Variants in PCDHA4 observed in about 807,000 individuals in gnomAD.
PCDHA4 encodes protocadherin alpha 4, also known as protocadherin alpha-4.
Under a neutral mutation model 61.4 loss-of-function variants are expected in PCDHA4, and 49 were observed. The ratio of observed to expected loss-of-function variants is 0.80; its 90% CI spans 0.63 to 1.01. The LOEUF (loss-of-function observed/expected upper bound fraction) is 1.01. Ranked by LOEUF, PCDHA4 falls within the 50% of genes least tolerant of loss-of-function variation. The pLI, the probability that PCDHA4 is intolerant of heterozygous loss-of-function variation, is 0.00. For synonymous variants in PCDHA4, 590 were observed against 550.3 expected (o/e 1.07, Z -1.01); for missense variants, 1,254 against 1,235.8 (o/e 1.01, Z -0.22).
chr5:140,808,630 C>A lies in PCDHA4; in HGVS notation c.1443C>A (p.Asp481Glu). The A allele has an allele frequency of 2.5e-6, 4 of 1,613,606 alleles. No individual in the cohort carries two copies. Among genetic ancestry groups the A allele is most frequent in the Non-Finnish European group, 2.5e-6 (3 of 1,179,898 alleles). ...GCHIFTVSAW[D>E]ADAQENALVS... Reference sequence around the variant, plus strand: ...ACATCTTCACTGTGTCTGCGTGGGACGCGGACGCGCAGGAGAACGCGCTGG... The same window carrying A: ...ACATCTTCACTGTGTCTGCGTGGGAAGCGGACGCGCAGGAGAACGCGCTGG... Residue 481 changes from aspartate (D) to glutamate (E), a missense_variant, in exon 1 of 4, where the codon GAC becomes GAA. Asp to Glu is a conservative substitution (Grantham distance 45). Transcript: ENST00000530339.
Position 140,925,039 on chromosome 5 carries a change from A to C in PCDHA4, c.2386-53910A>C, listed in dbSNP as rs554229960. ...GATGGGAGGATCGCTTGAGCCCAGA[A>C]GTTTGAGACCAGACTGGGCAACAAA... On this transcript the variant is annotated intron_variant, in intron 1 of 3. Coordinates refer to ENST00000530339, the MANE Select transcript of PCDHA4 (RefSeq NM_018907.4). Among the ~76,000 whole-genome samples the C allele has an allele frequency of 1.1e-4, 16 of 152,028 alleles. 1 individual carries two copies. The highest frequency in any genetic ancestry group is 1.6e-4 in the Non-Finnish European group (11 of 67,960).
chr5:140,878,567 G>T (rs562054144), intron 1 of PCDHA4, among the ~76,000 whole-genome samples: 1 of 152,268 alleles, frequency 6.6e-6, no homozygotes, highest in Non-Finnish European at 1.5e-5. Flanking sequence ...ACTTATCATA[G>T]TATACCACTG....
At chr5:140,869,020 T>C in intron 1 of PCDHA4, 8 of 1,525,458 alleles carry the variant, frequency 5.2e-6, no homozygotes, top group Non-Finnish European at 7.0e-6. Flanking sequence ...TTCTTAAGAA[T>C]TCAACGAGAT....
intron 2 of PCDHA4, 35 bp downstream of exon 2, chr5:140,979,042 C>T (rs782163702): frequency 6.2e-7 from 1 of 1,612,562 alleles, no homozygotes; most frequent in African/African-American, 1.3e-5. Context: ...TCAGAAGTAA[C>T]CTTAACTTGG....
rs567779090 is a variant in PCDHA4 at position 140,808,865 on chromosome 5, G to C, written c.1678G>C (p.Asp560His). 4.3e-6 allele frequency: 7 copies of C among 1,613,122 alleles called. No individual in the cohort carries two copies. The East Asian group carries it at 1.3e-4, about 31-fold the overall frequency. Reference protein sequence around the residue: ...TLQVFVLDENDNAPALLAPRA... With the variant: ...TLQVFVLDENHNAPALLAPRA... ...GCAGGTGTTCGTGCTGGACGAAAACGACAACGCGCCAGCACTGCTAGCGCC... is the reference window on the plus strand; with the variant it reads ...GCAGGTGTTCGTGCTGGACGAAAACCACAACGCGCCAGCACTGCTAGCGCC... The change falls in exon 1 of 4, where the codon GAC becomes CAC. Residue 560 changes from aspartate to histidine, a missense_variant. Physicochemically the swap from Asp to His is moderately conservative, Grantham distance 81 (BLOSUM62 -1). Coordinates refer to ENST00000530339, the MANE Select transcript of PCDHA4 (RefSeq NM_018907.4).
chr5:140,892,087 T>G (rs2063378040), intron 1 of PCDHA4, among the ~76,000 whole-genome samples: 1 of 152,226 alleles, frequency 6.6e-6, no homozygotes, highest in East Asian at 1.9e-4. Context: ...TAGTTTCCTC[T>G]CGAAACTTTC....
chr5:140,838,075 A>AGTGTGTGTGTG (rs781914509), intron 1 of PCDHA4, among the ~76,000 whole-genome samples: 2 of 128,240 alleles, frequency 1.6e-5, no homozygotes, highest in East Asian at 2.3e-4. Context: ...TTATATATAT[A>AGTGTGTGTGTG]TAGTGTGTGT....
chr5:140,968,209 C>G (rs781795931), intron 1 of PCDHA4: 5 of 1,614,002 alleles, frequency 3.1e-6, no homozygotes, highest in Non-Finnish European at 4.2e-6. Context: ...TACAGGAGAA[C>G]AATTTGCCAG....
chr5:140,988,247 TC>T (rs2097289620), intron 3 of PCDHA4, among the ~76,000 whole-genome samples: 1 of 152,148 alleles, frequency 6.6e-6, no homozygotes, highest in Admixed American at 6.5e-5. Context: ...GTGGGGCAGC[TC>T]CCGCCTGTGA....
rs2096830713 is a variant in PCDHA4 at position 140,978,969 on chromosome 5, C to G, written c.2406C>G (p.Asp802Glu). 4 of 1,614,092 alleles carry G rather than the reference C, an allele frequency of 2.5e-6. No homozygotes were observed. The highest frequency in any genetic ancestry group is 1.6e-4 in the Middle Eastern group (1 of 6,084). ...TGCAGCCACGACAGCCCAACCCTGACTGGCGTTACTCTGCCTCCCTGAGAG... is the reference window on the plus strand; with the variant it reads ...TGCAGCCACGACAGCCCAACCCTGAGTGGCGTTACTCTGCCTCCCTGAGAG... ...SFAKPRQPNP[D>E]WRYSASLRAG... The change falls in exon 2 of 4, where the codon GAC becomes GAG. Residue 802 changes from aspartate (D) to glutamate (E), a missense_variant. Coordinates refer to ENST00000530339, the MANE Select transcript of PCDHA4 (RefSeq NM_018907.4).
At chr5:140,884,499 C>A (rs782667822) in intron 1 of PCDHA4, 2 of 1,614,062 alleles carry the variant, frequency 1.2e-6, no homozygotes, top group Non-Finnish European at 8.5e-7. Flanking sequence ...TGCTCCAGCG[C>A]GGCAGGGAGT....
At chr5:140,903,321 T>A (rs2070191003) in intron 1 of PCDHA4, among the ~76,000 whole-genome samples, 1 of 152,174 alleles carries the variant, frequency 6.6e-6, no homozygotes, top group Non-Finnish European at 1.5e-5. Flanking sequence ...GACAGCATTT[T>A]TATTGAGGAA....
At chr5:140,980,494 A>T (rs868915196) in intron 2 of PCDHA4, among the ~76,000 whole-genome samples, 1 of 152,106 alleles carries the variant, frequency 6.6e-6, no homozygotes, top group African/African-American at 2.4e-5. Context: ...GCTGGGCGTG[A>T]TGGCATGTGC....
intron 1 of PCDHA4, chr5:140,829,465 C>G (rs2150168424): frequency 1.2e-6 from 2 of 1,613,822 alleles, no homozygotes; most frequent in Admixed American, 1.7e-5. Flanking sequence ...TCGCGCAGCC[C>G]GAGTACACAG....
In PCDHA4 at chr5:140,855,835, T is replaced by C. The variant is rs1165073969; in HGVS notation, c.2385+46263T>C. On this transcript the variant is annotated intron_variant, in intron 1 of 3. Transcript: ENST00000530339. ...AGTTGTGAACTCATGGAATCGTACT[T>C]ACACCTAAAGCCACCGGATGTCGCT... The C allele has an allele frequency of 6.7e-5, 40 of 599,476 alleles. 4 individuals carry two copies. The highest frequency in any genetic ancestry group is 1.1e-4 in the Non-Finnish European group (39 of 347,470). 37.1% of individuals were successfully genotyped at this position (599,476 alleles called of 1,614,324 possible). A position where few individuals can be genotyped will look rare whatever the true frequency, so the allele number is the denominator to read the frequency against.
intron 1 of PCDHA4, chr5:140,884,600 C>T: frequency 6.2e-7 from 1 of 1,614,150 alleles, no homozygotes; most frequent in Non-Finnish European, 8.5e-7. Flanking sequence ...CAGCCTTCCT[C>T]CTTGTCTGGG....
At chr5:140,842,004 T>G (rs1554138709) in intron 1 of PCDHA4, 6 of 1,613,692 alleles carry the variant, frequency 3.7e-6, no homozygotes, top group Non-Finnish European at 5.1e-6. Context: ...ACTGTTCAGC[T>G]GCTGGTCACA....
chr5:140,902,044 A>AT (rs1222362795), intron 1 of PCDHA4, among the ~76,000 whole-genome samples: 6 of 152,016 alleles, frequency 3.9e-5, no homozygotes, highest in Non-Finnish European at 5.9e-5. Flanking sequence ...TTGTATGTTG[A>AT]TTTTGTATCC....
chr5:140,856,170 G>T, intron 1 of PCDHA4: 1 of 1,598,322 alleles, frequency 6.3e-7, no homozygotes, highest in Non-Finnish European at 8.6e-7. Context: ...GCCAGACACG[G>T]CACCTTCGTG....
Sources: allele counts gnomAD v4.1 joint callset (sites outside exome capture counted in the v4.1 genomes callset), GRCh38; gene constraint gnomAD v4.1.1; transcripts MANE v1.5; gene names NCBI Gene and HGNC (gene_info 2026-07-23, HGNC 2026-07-21).